Variants in RIMKLB observed in about 807,000 individuals in gnomAD.
The protein encoded by RIMKLB is beta-citrylglutamate synthase B.
Under a neutral mutation model 32.0 loss-of-function variants are expected in RIMKLB, and 7 were observed. The observed-to-expected ratio is 0.22, with a 90% confidence interval of 0.12 to 0.41. The LOEUF is 0.41. RIMKLB is among the 10% of genes least tolerant of loss of function. RIMKLB has a pLI of 1.00. For missense variants in RIMKLB, 289 were observed against 498.7 expected (o/e 0.58, Z 4.00); for synonymous variants, 172 against 185.1 (o/e 0.93, Z 0.57).
upstream of RIMKLB, among the ~76,000 whole-genome samples, chr12:8,692,951 G>A (rs1191414669): frequency 2.0e-5 from 3 of 152,186 alleles, no homozygotes; most frequent in African/African-American, 7.2e-5. Flanking sequence ...CAGTTATAAC[G>A]TTAGATAATC....
chr12:8,711,744 CT>C (rs1489972833), intron 1 of RIMKLB, among the ~76,000 whole-genome samples: 1 of 151,806 alleles, frequency 6.6e-6, no homozygotes, highest in Non-Finnish European at 1.5e-5. Flanking sequence ...GTCAGGTATT[CT>C]GGCGTGACTT....
chr12:8,767,360 C>A (rs1031342517), intron 5 of RIMKLB, among the ~76,000 whole-genome samples: 1 of 152,094 alleles, frequency 6.6e-6, no homozygotes, highest in African/African-American at 2.4e-5. Flanking sequence ...GGGAGAGACA[C>A]CAGGGACAAG....
chr12:8,767,693 G>A (rs937524072), intron 5 of RIMKLB, among the ~76,000 whole-genome samples: 1 of 152,074 alleles, frequency 6.6e-6, no homozygotes, highest in South Asian at 2.1e-4. Context: ...GCTTCTAGTC[G>A]GCCCTCAGCT....
upstream of RIMKLB, chr12:8,697,654 C>A (rs2136623292): frequency 3.8e-6 from 1 of 264,992 alleles, no homozygotes; most frequent in Non-Finnish European, 8.2e-6. Flanking sequence ...GGTGGGGAGG[C>A]GCGTCCTCGG....
chr12:8,713,994 C>T lies in RIMKLB; in HGVS notation c.128C>T (p.Ala43Val). The T allele has an allele frequency of 1.2e-6, 2 of 1,613,984 alleles. No homozygotes were observed. Among genetic ancestry groups the T allele is most frequent in the Non-Finnish European group, 1.7e-6 (2 of 1,179,974 alleles). Residue 43 changes from alanine (A) to valine (V), a missense_variant, in exon 2 of 6, where the codon GCT becomes GTT. Physicochemically the swap from Ala to Val is moderately conservative, Grantham distance 64. Coordinates refer to ENST00000535829, the MANE Select transcript of RIMKLB (RefSeq NM_001297776.2). Reference protein sequence around the residue: ...KCCEEELDFRAVVMDEVVLTI... With the variant: ...KCCEEELDFRVVVMDEVVLTI... ...TGTGAGGAGGAACTGGACTTTAGGG[C>T]TGTGGTGATGGATGAGGTGGTGCTG...
chr12:8,715,504 A>C (rs1944753087), intron 2 of RIMKLB, among the ~76,000 whole-genome samples: 1 of 152,158 alleles, frequency 6.6e-6, no homozygotes, highest in Non-Finnish European at 1.5e-5. Flanking sequence ...GATTACAGGC[A>C]TGAGGCACCA....
chr12:8,669,675 G>T, the RIMKLB span, among the ~76,000 whole-genome samples: 1 of 151,796 alleles, frequency 6.6e-6, no homozygotes, highest in Non-Finnish European at 1.5e-5. Context: ...GAAATGAAAA[G>T]AAAAAATAAA....
intron 2 of RIMKLB, among the ~76,000 whole-genome samples, chr12:8,739,379 C>T (rs1274546554): frequency 6.6e-6 from 1 of 152,198 alleles, no homozygotes; most frequent in Admixed American, 6.5e-5. Flanking sequence ...GATGAGTTCT[C>T]ACTATGTTGC....
chr12:8,718,661 ATATATATATGTGTGTGTG>A (rs952048758), intron 2 of RIMKLB, among the ~76,000 whole-genome samples: 1 of 118,400 alleles, frequency 8.4e-6, no homozygotes, highest in African/African-American at 3.0e-5. Context: ...CTCTATATAT[ATATATATATGTGTGTGTG>A]TGTGTGTGTG....
rs1950657932 is a variant in RIMKLB, at chr12:8,775,126, G to C, written c.*1342G>C. 1 of 985,302 alleles carries C rather than the reference G, an allele frequency of 1.0e-6. No homozygotes were observed. 61.0% of individuals were successfully genotyped at this position (985,302 alleles called of 1,614,324 possible). A position where few individuals can be genotyped will look rare whatever the true frequency, so the allele number is the denominator to read the frequency against. On this transcript the variant is annotated 3_prime_UTR_variant, in exon 6 of 6. Transcript: ENST00000535829. ...GTTTGTTTTTTTCCTTTTGTTTCTA[G>C]CCTGTTCAGTGTACAGTTTATTCAA...
At chr12:8,773,135 G>A (rs1214799077) in intron 5 of RIMKLB, among the ~76,000 whole-genome samples, 186 bp from the exon 6 acceptor site, 1 of 151,810 alleles carries the variant, frequency 6.6e-6, no homozygotes, top group African/African-American at 2.4e-5. Context: ...TCAATTCCTG[G>A]GAGACTGGAT....
intron 2 of RIMKLB, among the ~76,000 whole-genome samples, chr12:8,736,543 T>A (rs1947025246): frequency 7.2e-6 from 1 of 139,488 alleles, no homozygotes; most frequent in African/African-American, 2.7e-5. Flanking sequence ...TTTTGACGGG[T>A]CTTGCTCTGT....
chr12:8,774,583 T>C lies in RIMKLB; in HGVS notation c.*799T>C, dbSNP rs1476383057. 1 of 985,020 alleles carries C rather than the reference T, an allele frequency of 1.0e-6. No homozygotes were observed. The highest frequency in any genetic ancestry group is 6.2e-5 in the Admixed American group (1 of 16,252). 61.0% of individuals were successfully genotyped at this position (985,020 alleles called of 1,614,324 possible). ...CTCTGTTAATGTTGCTTTTTTTTTT[T>C]TTTTTAATACATGCTAGTCTAACAT... On this transcript the variant is annotated 3_prime_UTR_variant, in exon 6 of 6. Coordinates refer to ENST00000535829, the MANE Select transcript of RIMKLB (RefSeq NM_001297776.2).
chr12:8,675,332 C>T, the RIMKLB span, among the ~76,000 whole-genome samples: 24 of 152,192 alleles, frequency 1.6e-4, no homozygotes, highest in African/African-American at 5.5e-4. Context: ...CAGTCCTTGT[C>T]TTCCTCTTAA....
At chr12:8,781,799 TAAATG>T (rs1951071779), downstream of RIMKLB, among the ~76,000 whole-genome samples, 1 of 151,982 alleles carries the variant, frequency 6.6e-6, no homozygotes, top group South Asian at 2.1e-4. Flanking sequence ...GAATAGAAAT[TAAATG>T]ATACTTTGAA....
rs139849897 is a variant in RIMKLB at position 8,731,113 on chromosome 12, T to C, written c.175+17072T>C. Among the ~76,000 whole-genome samples, 297 of 151,912 alleles carry C rather than the reference T, an allele frequency of 2.0e-3. 1 individual carries two copies. The highest frequency in any genetic ancestry group is 6.9e-3 in the African/African-American group (285 of 41,434). ...CACTGTTTCTCTTTTTCTTTTTCTT[T>C]GAGACGGAGTTTCGCTCTTGTCGCC... On this transcript the variant is annotated intron_variant, in intron 2 of 5. Transcript: ENST00000535829.
chr12:8,742,433 T>C (rs1947645853), intron 2 of RIMKLB: 13 of 327,944 alleles, frequency 4.0e-5, no homozygotes, highest in South Asian at 2.6e-4. Context: ...TCATGGTGTC[T>C]GGAACCTTTA....
intron 2 of RIMKLB, among the ~76,000 whole-genome samples, chr12:8,747,760 T>A (rs1315457158): frequency 1.6e-5 from 2 of 126,246 alleles, no homozygotes; most frequent in Non-Finnish European, 3.1e-5. Context: ...TCTGGTACAA[T>A]TTTTTTTTTT....
At chr12:8,777,863 C>G (rs935509433), downstream of RIMKLB, 12 of 260,048 alleles carry the variant, frequency 4.6e-5, no homozygotes, top group Admixed American at 4.7e-4. Context: ...TTTAAAACTT[C>G]CTTTCTTTAC....
Sources: allele counts gnomAD v4.1 joint callset (sites outside exome capture counted in the v4.1 genomes callset), GRCh38; gene constraint gnomAD v4.1.1; transcripts MANE v1.5; gene names NCBI Gene and HGNC (gene_info 2026-07-23, HGNC 2026-07-21).